Variants in RUSC2 observed in about 807,000 individuals in gnomAD.
RUSC2 encodes the protein AP-4 complex accessory subunit RUSC2.
In RUSC2, 34 loss-of-function variants were observed where a neutral mutation model predicts 122.2. That is an observed-to-expected ratio of 0.28 (90% confidence interval 0.21 to 0.37). RUSC2 has a LOEUF of 0.37. RUSC2 is among the 10% of genes least tolerant of loss of function. The pLI is 1.00. For missense variants in RUSC2, 1,747 were observed against 1,952.4 expected (o/e 0.89, Z 1.98); for synonymous variants, 784 against 790.0 (o/e 0.99, Z 0.13).
At chr9:35,535,757 G>T (rs1821514018) in intron 1 of RUSC2, among the ~76,000 whole-genome samples, 1 of 151,252 alleles carries the variant, frequency 6.6e-6, no homozygotes, top group Non-Finnish European at 1.5e-5. Flanking sequence ...AGCCAGGATG[G>T]TCTCAATCTC....
intron 1 of RUSC2, among the ~76,000 whole-genome samples, chr9:35,525,610 C>A (rs1429282644): frequency 6.6e-6 from 1 of 151,988 alleles, no homozygotes; most frequent in East Asian, 1.9e-4. Flanking sequence ...GATCAGCTGG[C>A]CTACACGGCA....
chr9:35,537,550 G>A (rs986959362), intron 1 of RUSC2, among the ~76,000 whole-genome samples: 2 of 152,214 alleles, frequency 1.3e-5, no homozygotes, highest in Non-Finnish European at 2.9e-5. Flanking sequence ...ATGGGTCTTT[G>A]TGTCTTTGTG....
chr9:35,552,933 G>A (rs934307902), intron 2 of RUSC2, among the ~76,000 whole-genome samples: 4 of 152,214 alleles, frequency 2.6e-5, no homozygotes, highest in African/African-American at 9.6e-5. Context: ...ACTTAGCAGA[G>A]AGGAGTTTTA....
chr9:35,549,547 C>T (rs1006926026), intron 2 of RUSC2, among the ~76,000 whole-genome samples: 2 of 152,084 alleles, frequency 1.3e-5, no homozygotes, highest in African/African-American at 4.8e-5. Context: ...CCGTACTGGC[C>T]AGTGAAAGGG....
At chr9:35,496,488 C>T (rs907804371) in intron 1 of RUSC2, among the ~76,000 whole-genome samples, 1 of 152,184 alleles carries the variant, frequency 6.6e-6, no homozygotes, top group African/African-American at 2.4e-5. Context: ...TGCACTTGGC[C>T]AGCCCATCTG....
intron 1 of RUSC2, among the ~76,000 whole-genome samples, chr9:35,506,613 T>C (rs1820921474): frequency 6.6e-6 from 1 of 152,204 alleles, no homozygotes; most frequent in East Asian, 1.9e-4. Flanking sequence ...AAAGATCTGA[T>C]TAATTTAGTA....
At chr9:35,544,340 A>C (rs532614251) in intron 1 of RUSC2, among the ~76,000 whole-genome samples, 5 of 119,696 alleles carry the variant, frequency 4.2e-5, no homozygotes, top group African/African-American at 1.6e-4. Context: ...ACAGAGTCTC[A>C]CTCTGTCACC....
In RUSC2 at chr9:35,558,669, G is replaced by C. The variant is rs1019273251; in HGVS notation, c.3341+102G>C. The stretch of plus-strand genomic sequence containing the variant: ...AACAACGCCCTGGACAGACAGAAAG[G>C]GTGGATCTGGAGGGTCCCCTCAGCC... On this transcript the variant is annotated intron_variant, in intron 8 of 11. Coordinates refer to ENST00000361226, the MANE Select transcript of RUSC2 (RefSeq NM_014806.5). The surrounding 1 kb of genome is among the most constrained non-coding windows in gnomAD (Gnocchi z 4.3). 2.0e-6 allele frequency: 2 copies of C among 1,005,206 alleles called. No individual in the cohort carries two copies. Among genetic ancestry groups the C allele is most frequent in the Non-Finnish European group, 3.1e-6 (2 of 642,198 alleles). The allele number at this position is 1,005,206 out of a possible 1,614,324, so 62.3% of individuals were successfully genotyped here.
At chr9:35,492,128 C>T (rs2132480423) in intron 1 of RUSC2, among the ~76,000 whole-genome samples, 1 of 152,198 alleles carries the variant, frequency 6.6e-6, no homozygotes, top group Non-Finnish European at 1.5e-5. Context: ...TACCCCAGAA[C>T]ACCCTGGGTT....
intron 1 of RUSC2, among the ~76,000 whole-genome samples, chr9:35,495,574 T>A (rs1421019624): frequency 6.6e-6 from 1 of 152,034 alleles, no homozygotes; most frequent in Non-Finnish European, 1.5e-5. Context: ...TACTGTAGCT[T>A]TGTAGTAAGT....
At chr9:35,509,742 A>G (rs1820979894) in intron 1 of RUSC2, among the ~76,000 whole-genome samples, 1 of 152,204 alleles carries the variant, frequency 6.6e-6, no homozygotes. Context: ...AAAAGAGGAG[A>G]TTCCTGATTC....
At chr9:35,539,625 T>C (rs1198242035) in intron 1 of RUSC2, among the ~76,000 whole-genome samples, 3 of 152,060 alleles carry the variant, frequency 2.0e-5, no homozygotes, top group Non-Finnish European at 4.4e-5. Flanking sequence ...ACATACCATA[T>C]CTTCTGGTGC....
intron 1 of RUSC2, among the ~76,000 whole-genome samples, chr9:35,527,945 C>T (rs1038900530): frequency 2.7e-4 from 41 of 152,218 alleles, no homozygotes; most frequent in African/African-American, 9.4e-4. Context: ...ATCTTGGCTG[C>T]AGTGATGCTC....
At chr9:35,544,350 C>T (rs1821703259) in intron 1 of RUSC2, among the ~76,000 whole-genome samples, 1 of 139,082 alleles carries the variant, frequency 7.2e-6, no homozygotes, top group South Asian at 2.4e-4. Context: ...ACTCTGTCAC[C>T]AGGCTGGAGT....
chr9:35,530,582 T>C (rs1214581677), intron 1 of RUSC2, among the ~76,000 whole-genome samples: 23 of 152,144 alleles, frequency 1.5e-4, no homozygotes, highest in Admixed American at 1.5e-3. Context: ...ATATTCGGCA[T>C]GTGACGGGAA....
At chr9:35,508,092 G>A (rs1425272190) in intron 1 of RUSC2, among the ~76,000 whole-genome samples, 1 of 152,044 alleles carries the variant, frequency 6.6e-6, no homozygotes, top group Non-Finnish European at 1.5e-5. Flanking sequence ...TCCCTATGCT[G>A]TTGGTAGTCT....
chr9:35,500,405 C>G (rs796482495), intron 1 of RUSC2, among the ~76,000 whole-genome samples: 3 of 152,302 alleles, frequency 2.0e-5, no homozygotes, highest in African/African-American at 7.2e-5. Context: ...CCAGGTCCCT[C>G]TCACAACACA....
At chr9:35,494,671 T>A (rs910269140) in intron 1 of RUSC2, among the ~76,000 whole-genome samples, 1 of 151,934 alleles carries the variant, frequency 6.6e-6, no homozygotes, top group Non-Finnish European at 1.5e-5. Context: ...AAGAGTTTTT[T>A]AATACATTTT....
intron 1 of RUSC2, among the ~76,000 whole-genome samples, chr9:35,516,403 G>T (rs756134977): frequency 7.9e-5 from 12 of 151,996 alleles, no homozygotes; most frequent in Non-Finnish European, 1.5e-4. Context: ...GTGAGTTCAG[G>T]CCTGAGCCAA....
Sources: allele counts gnomAD v4.1 joint callset (sites outside exome capture counted in the v4.1 genomes callset), GRCh38; gene constraint gnomAD v4.1.1; non-coding constraint Gnocchi (gnomAD v3.1); transcripts MANE v1.5; gene names NCBI Gene and HGNC (gene_info 2026-07-23, HGNC 2026-07-21).